The following GBA1 variants were observed in gnomAD, a reference collection of about 807,000 sequenced individuals.
GBA1 encodes the protein lysosomal acid glucosylceramidase.
the GBA1 span, chr1:155,241,027 T>G: frequency 2.7e-6 from 4 of 1,464,218 alleles, no homozygotes; most frequent in Non-Finnish European, 3.8e-6. Flanking sequence ...TTCATTAAAT[T>G]CCAGTGCCAG....
At chr1:155,237,665 C>T in the GBA1 span, 4 of 1,580,474 alleles carry the variant, frequency 2.5e-6, no homozygotes, top group Non-Finnish European at 2.6e-6. Context: ...AATCCCAGCA[C>T]TTTGGGAAGC....
chr1:155,243,206 T>C, the GBA1 span, among the ~76,000 whole-genome samples: 14 of 152,222 alleles, frequency 9.2e-5, no homozygotes, highest in African/African-American at 1.9e-4. Context: ...AGTTGTAGAA[T>C]TGAACTAGTT....
chr1:155,237,072 C>T, the GBA1 span, among the ~76,000 whole-genome samples: 1 of 151,762 alleles, frequency 6.6e-6, no homozygotes, highest in Non-Finnish European at 1.5e-5. Flanking sequence ...GGTTTCAACA[C>T]GTTGGCCAGG....
At chr1:155,236,356 G>A in the GBA1 span, 1 of 1,614,202 alleles carries the variant, frequency 6.2e-7, no homozygotes, top group Non-Finnish European at 8.5e-7. Flanking sequence ...GCATGGTGTT[G>A]GGGAACAGGC....
chr1:155,239,818 G>C, the GBA1 span: 4 of 1,613,854 alleles, frequency 2.5e-6, no homozygotes, highest in Admixed American at 6.7e-5. Context: ...ACTCCATGGT[G>C]ATCACTGACA....
the GBA1 span, chr1:155,238,734 G>T: frequency 3.1e-6 from 5 of 1,607,638 alleles, no homozygotes; most frequent in South Asian, 5.6e-5. Context: ...AGTCCTAATA[G>T]TGTCTGAGTC....
chr1:155,241,975 ATATCCTCAG>A, the GBA1 span, among the ~76,000 whole-genome samples: 1 of 152,202 alleles, frequency 6.6e-6, no homozygotes, highest in Non-Finnish European at 1.5e-5. Context: ...GTACAAAGCC[ATATCCTCAG>A]TGGACACAAG....
At chr1:155,235,656 A>G in the GBA1 span, 1 of 1,569,734 alleles carries the variant, frequency 6.4e-7, no homozygotes, top group African/African-American at 1.4e-5. Flanking sequence ...CTGGTATGGA[A>G]TGGGGGTGCC....
the GBA1 span, among the ~76,000 whole-genome samples, chr1:155,241,778 C>G: frequency 6.6e-6 from 1 of 152,044 alleles, no homozygotes; most frequent in Admixed American, 6.6e-5. Flanking sequence ...GGGTTATTAG[C>G]CAGTGAAGTG....
the GBA1 span, chr1:155,237,822 A>T: frequency 4.9e-6 from 4 of 816,404 alleles, no homozygotes; most frequent in African/African-American, 5.2e-5. Context: ...GAATTGCTTG[A>T]ACTCAGGAGG....
chr1:155,237,903 C>CA, the GBA1 span: 70,182 of 470,988 alleles, frequency 0.15, 50 homozygotes, highest in South Asian at 0.18. Context: ...GACTCCTTCT[C>CA]AAAAAAAAAA....
chr1:155,244,472 A>T, the GBA1 span: 2 of 152,244 alleles, frequency 1.3e-5, no homozygotes, highest in Non-Finnish European at 2.9e-5. Context: ...GGGGACAGCT[A>T]AGATCCAAAG....
the GBA1 span, chr1:155,237,604 T>C: frequency 1.2e-6 from 2 of 1,612,494 alleles, no homozygotes. Context: ...TCATGAATGA[T>C]CCGGCCAAGA....
chr1:155,240,437 C>T, the GBA1 span: 1 of 654,008 alleles, frequency 1.5e-6, no homozygotes, highest in Admixed American at 2.3e-5. Context: ...GCACTCCAGC[C>T]CAGGCAACAG....
chr1:155,239,257 C>T, the GBA1 span, among the ~76,000 whole-genome samples: 39 of 151,598 alleles, frequency 2.6e-4, no homozygotes, highest in African/African-American at 8.0e-4. Context: ...CTGCTGGGCT[C>T]GGTGGCTCAC....
chr1:155,237,439 G>A, the GBA1 span: 33 of 1,613,864 alleles, frequency 2.0e-5, no homozygotes, highest in East Asian at 1.1e-4. Context: ...CCTAGGTCAC[G>A]GGCAATGAAG....
chr1:155,235,431 C>T, the GBA1 span: 1 of 1,526,434 alleles, frequency 6.6e-7, no homozygotes, highest in Non-Finnish European at 8.9e-7. Context: ...CCCTGGCTCT[C>T]TAGGCCTGGA....
the GBA1 span, chr1:155,235,758 G>A: frequency 8.1e-6 from 13 of 1,614,174 alleles, no homozygotes; most frequent in East Asian, 2.2e-5. Flanking sequence ...TGGGACTGTC[G>A]ACAAAGTTAC....
chr1:155,242,048 G>A, the GBA1 span, among the ~76,000 whole-genome samples: 1 of 152,142 alleles, frequency 6.6e-6, no homozygotes, highest in South Asian at 2.1e-4. Flanking sequence ...AGATTTAGCG[G>A]GAGTGGCACA....
Sources: allele counts gnomAD v4.1 joint callset (sites outside exome capture counted in the v4.1 genomes callset), GRCh38; gene constraint gnomAD v4.1.1; transcripts MANE v1.5; gene names NCBI Gene and HGNC (gene_info 2026-07-23, HGNC 2026-07-21).